The following NR5A2 variants were observed in gnomAD, a reference collection of about 807,000 sequenced individuals.
The protein encoded by NR5A2 is CYP7A promoter-binding factor.
In NR5A2, 26 loss-of-function variants were observed where a neutral mutation model predicts 62.7. The ratio of observed to expected loss-of-function variants is 0.41; its 90% CI spans 0.30 to 0.58. NR5A2 has a LOEUF of 0.58. Ranked by LOEUF, NR5A2 falls within the 20% of genes least tolerant of loss-of-function variation. The pLI, the probability that NR5A2 is intolerant of heterozygous loss-of-function variation, is 0.22. For missense variants in NR5A2, 541 were observed against 669.1 expected (o/e 0.81, Z 2.11); for synonymous variants, 246 against 241.7 (o/e 1.02, Z -0.16).
chr1:200,061,427 T>C (rs1365460555), intron 5 of NR5A2, among the ~76,000 whole-genome samples: 2 of 151,866 alleles, frequency 1.3e-5, no homozygotes, highest in Admixed American at 6.6e-5. Flanking sequence ...TACAGGCGTA[T>C]ACCACCATGC....
At chr1:200,067,814 A>G (rs1371693655) in intron 5 of NR5A2, among the ~76,000 whole-genome samples, 3 of 152,246 alleles carry the variant, frequency 2.0e-5, no homozygotes, top group Non-Finnish European at 4.4e-5. Context: ...CTAAGTGCCT[A>G]TGCAGACACC....
intron 5 of NR5A2, among the ~76,000 whole-genome samples, chr1:200,110,107 G>A (rs1665872368): frequency 6.6e-6 from 1 of 152,102 alleles, no homozygotes; most frequent in Admixed American, 6.6e-5. Flanking sequence ...TGACACCCCT[G>A]TTTTCTCATC....
At chr1:200,169,551 T>C (rs1654075546) in intron 7 of NR5A2, among the ~76,000 whole-genome samples, 1 of 152,178 alleles carries the variant, frequency 6.6e-6, no homozygotes, top group African/African-American at 2.4e-5. Flanking sequence ...CTATAATATA[T>C]TCAAGAAGAC....
intron 5 of NR5A2, among the ~76,000 whole-genome samples, chr1:200,054,675 T>A (rs1382292764): frequency 6.6e-6 from 1 of 152,232 alleles, no homozygotes; most frequent in Non-Finnish European, 1.5e-5. Context: ...AGTTGGTTTT[T>A]AAGTATAGCT....
rs368890900 is a variant in NR5A2, at chr1:200,095,792, T to C, written c.1111-15410T>C. Among the ~76,000 whole-genome samples, 12 of 152,186 alleles carry C rather than the reference T, an allele frequency of 7.9e-5. No homozygotes were observed. The East Asian group carries it at 1.7e-3, about 22-fold the overall frequency. Reference sequence around the variant, plus strand: ...TGGTGTCGATCTCCTGACCTTGTGATCTGCCCGCCTTGGCCTCCCAAAGTG... The same window carrying C: ...TGGTGTCGATCTCCTGACCTTGTGACCTGCCCGCCTTGGCCTCCCAAAGTG... On this transcript the variant is annotated intron_variant, in intron 5 of 7. Coordinates refer to ENST00000367362, the MANE Select transcript of NR5A2 (RefSeq NM_205860.3).
At chr1:200,101,877 G>T (rs1174726827) in intron 5 of NR5A2, among the ~76,000 whole-genome samples, 1 of 152,154 alleles carries the variant, frequency 6.6e-6, no homozygotes, top group Non-Finnish European at 1.5e-5. Context: ...GCCAAACTTT[G>T]TCCTTTGGTT....
At chr1:200,152,987 A>C (rs1653200297) in intron 7 of NR5A2, among the ~76,000 whole-genome samples, 1 of 152,230 alleles carries the variant, frequency 6.6e-6, no homozygotes, top group Non-Finnish European at 1.5e-5. Context: ...CCAGGTAGCA[A>C]TGACATCTGC....
intron 7 of NR5A2, among the ~76,000 whole-genome samples, chr1:200,153,602 G>A (rs1374289372): frequency 6.6e-6 from 1 of 152,094 alleles, no homozygotes; most frequent in Admixed American, 6.6e-5. Flanking sequence ...ACGGCTCCCT[G>A]CCAGAGAGGT....
intron 5 of NR5A2, among the ~76,000 whole-genome samples, chr1:200,094,524 C>CTT (rs373809748): frequency 0.11 from 6,663 of 59,738 alleles, 2,064 homozygotes; most frequent in African/African-American, 0.19. Flanking sequence ...TTAAATGCCA[C>CTT]TTTTTTTTTT....
intron 5 of NR5A2, among the ~76,000 whole-genome samples, chr1:200,108,344 T>C (rs908222093): frequency 1.3e-5 from 2 of 152,100 alleles, no homozygotes; most frequent in African/African-American, 4.8e-5. Context: ...TCCCAAAGTG[T>C]TGGGATTATG....
intron 7 of NR5A2, among the ~76,000 whole-genome samples, chr1:200,162,480 A>G (rs1653685612): frequency 6.6e-6 from 1 of 152,182 alleles, no homozygotes; most frequent in Non-Finnish European, 1.5e-5. Context: ...TTAATCTTTA[A>G]CCCAGGGTAG....
At chr1:200,114,593 G>A (rs1043119472) in intron 6 of NR5A2, among the ~76,000 whole-genome samples, 7 of 152,186 alleles carry the variant, frequency 4.6e-5, no homozygotes, top group Non-Finnish European at 1.0e-4. Flanking sequence ...TGGCAACTAT[G>A]ATGTTATCTA....
In NR5A2 at chr1:200,176,876, AT is replaced by A. The variant is rs1654445734; in HGVS notation, c.*2667del. ...CCCCACTGAAAATTAAACCTAAAAA[AT>A]GTCACATATTGGTATGTTGTTAACC... On this transcript the variant is annotated 3_prime_UTR_variant, in exon 8 of 8. Transcript: ENST00000367362. 6.6e-6 allele frequency: 1 copy of A among 152,152 alleles called. No homozygotes were observed. The highest frequency in any genetic ancestry group is 2.4e-5 in the African/African-American group (1 of 41,432). The allele number at this position is 152,152 out of a possible 1,614,324, so 9.4% of individuals were successfully genotyped here.
chr1:200,075,886 G>GTTTTCTTTTTC (rs1553268802), intron 5 of NR5A2, among the ~76,000 whole-genome samples: 18 of 150,256 alleles, frequency 1.2e-4, no homozygotes, highest in African/African-American at 4.2e-4. Context: ...AAGCTCTTCT[G>GTTTTCTTTTTC]TTTTCTTTTC....
chr1:200,142,750 ATTG>A (rs952605851), intron 7 of NR5A2, among the ~76,000 whole-genome samples: 16 of 151,778 alleles, frequency 1.1e-4, no homozygotes, highest in African/African-American at 3.9e-4. Context: ...TTTGGCTTCT[ATTG>A]TTTCATTACG....
At position 200,130,278 on chromosome 1, in the gene NR5A2, G is replaced by GGAAGAA. The variant is rs66507419; in HGVS notation, c.1378+9363_1378+9368dup. Among the ~76,000 whole-genome samples the GGAAGAA allele has an allele frequency of 6.4e-3, 686 of 106,508 alleles. 1 individual carries two copies. The highest frequency in any genetic ancestry group is 0.024 in the Middle Eastern group (4 of 166). The allele number at this position is 106,508 out of a possible 152,430, so 69.9% of individuals were successfully genotyped here. On this transcript the variant is annotated intron_variant, in intron 7 of 7. Coordinates refer to ENST00000367362, the MANE Select transcript of NR5A2 (RefSeq NM_205860.3). ...GAGATCTGCTTGCAGGAACTAACTA[G>GGAAGAA]GAAGAAGAAGAAGAAGAAGAAGAAG...
chr1:200,139,211 A>G (rs1667350105), intron 7 of NR5A2, among the ~76,000 whole-genome samples: 2 of 152,156 alleles, frequency 1.3e-5, no homozygotes, highest in Admixed American at 1.3e-4. Context: ...GTGGCTGGAT[A>G]TTTTTATATT....
intron 7 of NR5A2, among the ~76,000 whole-genome samples, chr1:200,159,664 A>ATTAT (rs1384345070): frequency 6.6e-6 from 1 of 151,084 alleles, no homozygotes; most frequent in Non-Finnish European, 1.5e-5. Flanking sequence ...TATTATTATT[A>ATTAT]TTTTTGAGAC....
chr1:200,076,157 A>G (rs1664027199), intron 5 of NR5A2, among the ~76,000 whole-genome samples: 1 of 152,228 alleles, frequency 6.6e-6, no homozygotes, highest in Non-Finnish European at 1.5e-5. Context: ...ATGTGCTAAC[A>G]TAACCCCGGT....
Sources: gnomAD v4.1 joint callset for allele counts (sites outside exome capture counted in the v4.1 genomes callset) on GRCh38, gnomAD v4.1.1 for gene constraint, MANE v1.5 for transcripts, NCBI Gene and HGNC (gene_info 2026-07-23, HGNC 2026-07-21) for gene names.